RAI1: variants seen among roughly 807,000 people sequenced by gnomAD.
RAI1 encodes the protein retinoic acid induced 1.
A neutral mutation model predicts 123.8 loss-of-function variants in RAI1; 9 were observed. That is an observed-to-expected ratio of 0.07 (90% confidence interval 0.04 to 0.13). RAI1 has a LOEUF of 0.13. RAI1 is among the 10% of genes least tolerant of loss of function. RAI1 has a pLI of 1.00. For missense variants in RAI1, 2,256 were observed against 2,545.8 expected (o/e 0.89, Z 2.45); for synonymous variants, 1,231 against 1,127.3 (o/e 1.09, Z -1.84).
At chr17:17,728,744 C>G (rs541507708) in intron 2 of RAI1, among the ~76,000 whole-genome samples, 3 of 152,196 alleles carry the variant, frequency 2.0e-5, no homozygotes, top group Admixed American at 6.5e-5. Context: ...CAAGTCAGCG[C>G]TTGTGGTTCC....
intron 2 of RAI1, among the ~76,000 whole-genome samples, chr17:17,784,017 C>T (rs1304589002): frequency 1.3e-5 from 2 of 152,210 alleles, no homozygotes; most frequent in South Asian, 2.1e-4. Context: ...TCCAATCCCC[C>T]TCCCTCTTTT....
At chr17:17,729,200 C>G (rs1328580593) in intron 2 of RAI1, among the ~76,000 whole-genome samples, 4 of 152,226 alleles carry the variant, frequency 2.6e-5, no homozygotes, top group African/African-American at 9.6e-5. Flanking sequence ...CTGCTGGGTA[C>G]CTGTGCCATG....
intron 2 of RAI1, among the ~76,000 whole-genome samples, chr17:17,775,478 A>C (rs929858457): frequency 4.6e-5 from 7 of 152,256 alleles, no homozygotes; most frequent in South Asian, 2.1e-4. Flanking sequence ...TGCTGGAATT[A>C]TAGGTGTGAG....
chr17:17,685,195 C>A lies in RAI1; in HGVS notation c.-149+3402C>A, dbSNP rs376656027. On this transcript the variant is annotated intron_variant, in intron 1 of 5. Transcript: ENST00000353383. The surrounding 1 kb of genome is among the most constrained non-coding windows in gnomAD (Gnocchi z 4.0). ...CTCCACAGGGAGGGAGGAGGTGCAA[C>A]AGCAACGGTGTGCGCAGAGCAGCGT... 51 of 152,378 alleles carry A rather than the reference C, an allele frequency of 3.3e-4. 1 individual carries two copies. Among genetic ancestry groups the A allele is most frequent in the African/African-American group, 1.2e-3 (49 of 41,582 alleles). The allele number at this position is 152,378 out of a possible 1,614,324, so 9.4% of individuals were successfully genotyped here.
intron 1 of RAI1, among the ~76,000 whole-genome samples, chr17:17,705,978 C>G (rs562870309): frequency 2.0e-4 from 29 of 147,548 alleles, no homozygotes; most frequent in African/African-American, 7.3e-4. Flanking sequence ...GAGTTGAGAT[C>G]GCACCACTGC....
At chr17:17,778,010 C>T (rs1194924733) in intron 2 of RAI1, 1 of 152,288 alleles carries the variant, frequency 6.6e-6, no homozygotes, top group African/African-American at 2.4e-5. Context: ...TCAGCAGAAC[C>T]CAGAGTCTTC....
rs754995044 is a variant in RAI1, at chr17:17,794,691, C to T, written c.1743C>T (p.Leu581=). ...AGAGCCTACACGGCAGTCTGCCGCT[C>T]GACAGCTTCTCCAAGTTCGTGGCGG... The part of the protein sequence containing the change: ...SFQSLHGSLP[L]DSFSKFVAGE... Residue 581 remains leucine, a synonymous_variant, in exon 3 of 6, where the codon CTC becomes CTT. Coordinates refer to ENST00000353383, the MANE Select transcript of RAI1 (RefSeq NM_030665.4). 1.9e-6 allele frequency: 3 copies of T among 1,612,898 alleles called. No individual in the cohort carries two copies. Among genetic ancestry groups the T allele is most frequent in the Admixed American group, 1.7e-5 (1 of 60,034 alleles).
In RAI1 at chr17:17,795,363, G is replaced by T; in HGVS notation, c.2415G>T (p.Ser805=). 6.3e-7 allele frequency: 1 copy of T among 1,595,512 alleles called. No individual in the cohort carries two copies. The highest frequency in any genetic ancestry group is 8.6e-7 in the Non-Finnish European group (1 of 1,168,626). The change falls in exon 3 of 6, where the codon TCG becomes TCT. Residue 805 remains serine, a synonymous_variant. Transcript: ENST00000353383. This position sits in a 1 kb window ranked among gnomAD's most constrained non-coding sequence, Gnocchi z 5.9. ...ACCCCCCTGGGGAGAAGGTGGCCTC[G>T]TTGCCCGGGGACTTCAAGCAGGAGG... is the stretch of plus-strand genomic sequence containing the variant. ...EEDPPGEKVA[S]LPGDFKQEEV... is the part of the protein sequence containing the mutation.
Position 17,794,898 on chromosome 17 carries a change from G to C in RAI1, c.1950G>C (p.Leu650=), listed in dbSNP as rs779804220. ...PFSLENHSAC[L]DSVAKSAWPR... is the part of the protein sequence containing the mutation. The stretch of plus-strand genomic sequence containing the variant: ...CGCTGGAGAACCACAGCGCCTGCCT[G>C]GACTCTGTGGCCAAGAGTGCGTGGC... The change falls in exon 3 of 6, where the codon CTG becomes CTC. Residue 650 remains leucine, a synonymous_variant. Coordinates refer to ENST00000353383, the MANE Select transcript of RAI1 (RefSeq NM_030665.4). 1 of 1,613,552 alleles carries C rather than the reference G, an allele frequency of 6.2e-7. No homozygotes were observed. The highest frequency in any genetic ancestry group is 8.5e-7 in the Non-Finnish European group (1 of 1,180,022).
In RAI1 at chr17:17,798,346, G is replaced by C; in HGVS notation, c.5398G>C (p.Asp1800His). ...TGGGGGCGAGGAGGCAGCCCCAGCC[G>C]ACAAGGGTCGCAAACATGAGTGCAG... Reference protein sequence around the residue: ...EDGGEEAAPADKGRKHECSKE... With the variant: ...EDGGEEAAPAHKGRKHECSKE... Residue 1800 changes from aspartate (D) to histidine (H), a missense_variant, in exon 3 of 6, where the codon GAC (aspartate) becomes CAC (histidine). Coordinates refer to ENST00000353383, the MANE Select transcript of RAI1 (RefSeq NM_030665.4). 6.2e-7 allele frequency: 1 copy of C among 1,603,576 alleles called. No individual in the cohort carries two copies. Among genetic ancestry groups the C allele is most frequent in the Non-Finnish European group, 8.5e-7 (1 of 1,174,934 alleles).
chr17:17,752,098 A>G (rs546605716), intron 2 of RAI1, among the ~76,000 whole-genome samples: 2 of 152,296 alleles, frequency 1.3e-5, no homozygotes, highest in African/African-American at 4.8e-5. Context: ...CAGACTAGGA[A>G]GTGGAGGCCC....
intron 2 of RAI1, 36 bp from the exon 3 acceptor site, chr17:17,792,897 T>TTCCC (rs1453767836): frequency 2.9e-5 from 11 of 375,244 alleles, no homozygotes; most frequent in Non-Finnish European, 1.6e-5. Flanking sequence ...CCCTCCCTCC[T>TTCCC]TCCCTCCCTC....
chr17:17,695,246 G>T (rs1049106427), intron 1 of RAI1, among the ~76,000 whole-genome samples: 14 of 152,172 alleles, frequency 9.2e-5, no homozygotes, highest in African/African-American at 3.4e-4. Flanking sequence ...GGAGAAAGAA[G>T]GGGGCCGGGA....
In RAI1 at chr17:17,810,019, G is replaced by A. The variant is rs779287545; in HGVS notation, c.*38G>A. 3 of 1,542,886 alleles carry A rather than the reference G, an allele frequency of 1.9e-6. No homozygotes were observed. Among genetic ancestry groups the A allele is most frequent in the Non-Finnish European group, 2.6e-6 (3 of 1,144,520 alleles). ...ACGGCCGGAGGAGCCGCCGGAGCCC[G>A]CCTGCCCGCCCGCCGCCGAAGGAGA... On this transcript the variant is annotated 3_prime_UTR_variant, in exon 6 of 6. Coordinates refer to ENST00000353383, the MANE Select transcript of RAI1 (RefSeq NM_030665.4). The surrounding 1 kb of genome is among the most constrained non-coding windows in gnomAD (Gnocchi z 4.6).
intron 2 of RAI1, among the ~76,000 whole-genome samples, chr17:17,727,186 C>T (rs556559620): frequency 1.7e-4 from 26 of 152,282 alleles, no homozygotes; most frequent in African/African-American, 6.3e-4. Flanking sequence ...CACTATTTTT[C>T]CTTCCCCACA....
chr17:17,757,969 A>G (rs2030514876), intron 2 of RAI1, among the ~76,000 whole-genome samples: 1 of 152,248 alleles, frequency 6.6e-6, no homozygotes, highest in African/African-American at 2.4e-5. Flanking sequence ...CCAAAGGTGC[A>G]GGGAGATGAG....
rs1285033327 is a variant in RAI1, at chr17:17,795,153, C to G, written c.2205C>G (p.Ala735=). ...AFDCFPDTTA[A]SSADSANPFA... is the part of the protein sequence containing the mutation. Reference sequence around the variant, plus strand: ...ACTGTTTCCCGGACACAACCGCTGCCAGCTCAGCGGACAGCGCCAACCCCT... The same window carrying G: ...ACTGTTTCCCGGACACAACCGCTGCGAGCTCAGCGGACAGCGCCAACCCCT... Residue 735 remains alanine (A), a synonymous_variant, in exon 3 of 6, where the codon GCC becomes GCG. Transcript: ENST00000353383. This position sits in a 1 kb window ranked among gnomAD's most constrained non-coding sequence, Gnocchi z 5.9. 1 of 1,613,926 alleles carries G rather than the reference C, an allele frequency of 6.2e-7. No individual in the cohort carries two copies. Among genetic ancestry groups the G allele is most frequent in the African/African-American group, 1.3e-5 (1 of 74,904 alleles).
intron 1 of RAI1, among the ~76,000 whole-genome samples, chr17:17,696,226 C>A (rs963755256): frequency 6.6e-5 from 10 of 152,144 alleles, no homozygotes; most frequent in African/African-American, 2.4e-4. Flanking sequence ...TATGATACAT[C>A]TACGGAGTCA....
intron 2 of RAI1, among the ~76,000 whole-genome samples, chr17:17,730,373 G>T (rs983559465): frequency 6.6e-6 from 1 of 152,176 alleles, no homozygotes; most frequent in Non-Finnish European, 1.5e-5. Flanking sequence ...CCTAGGCCCC[G>T]CAGGGCCGGG....
Sources: gnomAD v4.1 joint callset for allele counts (sites outside exome capture counted in the v4.1 genomes callset) on GRCh38, gnomAD v4.1.1 for gene constraint, Gnocchi (gnomAD v3.1) non-coding constraint, MANE v1.5 for transcripts, NCBI Gene and HGNC (gene_info 2026-07-23, HGNC 2026-07-21) for gene names.